CDKN2B-AS1: variants seen among roughly 807,000 people sequenced by gnomAD.
CDKN2B-AS1 encodes CDKN2B and CDKN2A antisense cis and trans regulatory RNA 1.
chr9:22,072,762 C>G (rs927289665), intron 4 of CDKN2B-AS1, among the ~76,000 whole-genome samples: 1 of 152,168 alleles, frequency 6.6e-6, no homozygotes, highest in South Asian at 2.1e-4. Context: ...TGAAGATGCA[C>G]CACAGATTTA....
intron 1 of CDKN2B-AS1, among the ~76,000 whole-genome samples, chr9:22,002,735 C>T (rs1252162376): frequency 2.6e-5 from 4 of 152,002 alleles, no homozygotes; most frequent in Non-Finnish European, 5.9e-5. Flanking sequence ...TTTTATCAGT[C>T]TCGAGCTCTC....
chr9:22,012,621 GAA>G (rs34662415), intron 1 of CDKN2B-AS1: 87 of 324,776 alleles, frequency 2.7e-4, no homozygotes, highest in South Asian at 5.2e-4. Context: ...TCATTGACTG[GAA>G]AAAAAAAAAG....
At chr9:22,035,857 A>G (rs530722027) in intron 1 of CDKN2B-AS1, among the ~76,000 whole-genome samples, 2 of 152,290 alleles carry the variant, frequency 1.3e-5, no homozygotes, top group East Asian at 1.9e-4. Flanking sequence ...ATCCTGAGTC[A>G]TTGTAGACAT....
chr9:22,058,443 A>G (rs1223695613), intron 4 of CDKN2B-AS1: 2 of 152,350 alleles, frequency 1.3e-5, no homozygotes, highest in East Asian at 1.9e-4. Context: ...GACAAATGGA[A>G]TTATTAGAAA....
At position 22,098,709 on chromosome 9, in the gene CDKN2B-AS1, C is replaced by G. The variant is rs143668264; in HGVS notation, n.439-28394C>G. Among the ~76,000 whole-genome samples, 964 of 152,196 alleles carry G rather than the reference C, an allele frequency of 6.3e-3. 12 individuals are homozygous for G. The highest frequency in any genetic ancestry group is 0.022 in the African/African-American group (900 of 41,526). On this transcript the variant is annotated intron_variant and non_coding_transcript_variant, in intron 4 of 4. Coordinates refer to ENST00000650946, the Ensembl canonical transcript of CDKN2B-AS1. ...GGTTTATGTTCTTAGATGAGGAAAC[C>G]AAGTCTTAGAAACATTAACTGGCCA...
intron 1 of CDKN2B-AS1, among the ~76,000 whole-genome samples, chr9:22,002,126 A>T (rs1587372601): frequency 6.6e-6 from 1 of 152,218 alleles, no homozygotes; most frequent in Non-Finnish European, 1.5e-5. Flanking sequence ...CCAAGTTTTC[A>T]TCAAATAACT....
chr9:22,057,647 A>C (rs1168954898), intron 4 of CDKN2B-AS1, among the ~76,000 whole-genome samples: 1 of 152,010 alleles, frequency 6.6e-6, no homozygotes, highest in Non-Finnish European at 1.5e-5. Context: ...CCATCTCTAC[A>C]AAATACAAAA....
intron 4 of CDKN2B-AS1, among the ~76,000 whole-genome samples, chr9:22,084,638 G>T (rs1378152331): frequency 2.0e-5 from 3 of 152,030 alleles, no homozygotes; most frequent in Admixed American, 6.6e-5. Context: ...TTGTTTTGTG[G>T]GGCATATCCA....
At chr9:22,070,501 C>A (rs1824244773) in intron 4 of CDKN2B-AS1, among the ~76,000 whole-genome samples, 1 of 152,040 alleles carries the variant, frequency 6.6e-6, no homozygotes, top group Non-Finnish European at 1.5e-5. Flanking sequence ...CAGGGAAGGG[C>A]AATGATCAGG....
intron 4 of CDKN2B-AS1, among the ~76,000 whole-genome samples, chr9:22,098,879 T>G (rs1394695565): frequency 6.6e-6 from 1 of 152,208 alleles, no homozygotes; most frequent in Admixed American, 6.6e-5. Context: ...AAGTACACAT[T>G]CATCCAATAA....
rs77568230 is a variant in CDKN2B-AS1 at position 22,075,043 on chromosome 9, A to T, written n.438+18656A>T. ...CATATGAGAAAAATGTTTTCCATTC[A>T]TGGTAGCAATATACAGTTTCTTCTT... On this transcript the variant is annotated intron_variant and non_coding_transcript_variant, in intron 4 of 4. Transcript: ENST00000650946. Among the ~76,000 whole-genome samples, 1,282 of 152,328 alleles carry T rather than the reference A, an allele frequency of 8.4e-3. 87 individuals are homozygous for T. The East Asian group carries it at 0.17, about 21-fold the overall frequency.
chr9:22,045,429 C>CA (rs1327088905), intron 1 of CDKN2B-AS1, among the ~76,000 whole-genome samples: 6 of 152,064 alleles, frequency 3.9e-5, no homozygotes, highest in Non-Finnish European at 8.8e-5. Context: ...TCTCATCCAG[C>CA]ACATCATCAC....
intron 4 of CDKN2B-AS1, among the ~76,000 whole-genome samples, chr9:22,090,307 T>A (rs911490459): frequency 9.8e-5 from 15 of 152,314 alleles, no homozygotes; most frequent in African/African-American, 3.6e-4. Context: ...TGTGTCTTTA[T>A]AGCAGCATGA....
chr9:22,032,944 G>C (rs1822538814), intron 1 of CDKN2B-AS1: 1 of 151,866 alleles, frequency 6.6e-6, no homozygotes, highest in African/African-American at 2.4e-5. Flanking sequence ...ACTGGTCTGT[G>C]GCTTGTTAGA....
intron 1 of CDKN2B-AS1, among the ~76,000 whole-genome samples, chr9:22,026,896 G>A (rs776115309): frequency 2.2e-4 from 33 of 152,270 alleles, no homozygotes; most frequent in Non-Finnish European, 4.0e-4. Flanking sequence ...ATCTGTGAGA[G>A]CAGTGTGGAT....
intron 4 of CDKN2B-AS1, among the ~76,000 whole-genome samples, chr9:22,115,330 A>T (rs888878607): frequency 1.3e-5 from 2 of 152,144 alleles, no homozygotes; most frequent in African/African-American, 4.8e-5. Flanking sequence ...ACAAATGAAA[A>T]CAGGGTACTA....
In CDKN2B-AS1 at chr9:22,006,798, G is replaced by A. The variant is rs983005355; in HGVS notation, n.29+11637G>A. Among the ~76,000 whole-genome samples, 7 of 151,604 alleles carry A rather than the reference G, an allele frequency of 4.6e-5. No homozygotes were observed. Among genetic ancestry groups the A allele is most frequent in the Admixed American group, 6.6e-5 (1 of 15,228 alleles). ...TTAGTTCTCATAGCAAATCCCGTGC[G>A]GAAGGCTTTTGTTTGTCATGTGTCT... On this transcript the variant is annotated intron_variant and non_coding_transcript_variant, in intron 1 of 4. Transcript: ENST00000650946. The surrounding 1 kb of genome is among the most constrained non-coding windows in gnomAD (Gnocchi z 6.4).
intron 1 of CDKN2B-AS1, among the ~76,000 whole-genome samples, chr9:22,042,792 C>T (rs755930916): frequency 5.9e-5 from 9 of 152,106 alleles, no homozygotes; most frequent in Admixed American, 2.6e-4. Flanking sequence ...AAAAACCTTG[C>T]GTTCCTGCAA....
At chr9:22,080,529 G>A (rs890949750) in intron 4 of CDKN2B-AS1, among the ~76,000 whole-genome samples, 5 of 152,230 alleles carry the variant, frequency 3.3e-5, no homozygotes, top group Admixed American at 6.5e-5. Flanking sequence ...TTACAGATGA[G>A]TTCTAGTGAA....
Sources: allele counts gnomAD v4.1 joint callset (sites outside exome capture counted in the v4.1 genomes callset), GRCh38; gene constraint gnomAD v4.1.1; non-coding constraint Gnocchi (gnomAD v3.1); transcripts MANE v1.5; gene names NCBI Gene and HGNC (gene_info 2026-07-23, HGNC 2026-07-21).